Variants in CDKN2B-AS1 observed in about 807,000 individuals in gnomAD.
CDKN2B-AS1 encodes the protein CDKN2B and CDKN2A antisense cis and trans regulatory RNA 1.
At chr9:22,045,543 C>G (rs1389194210) in intron 1 of CDKN2B-AS1, among the ~76,000 whole-genome samples, 2 of 151,908 alleles carry the variant, frequency 1.3e-5, no homozygotes, top group Non-Finnish European at 2.9e-5. Flanking sequence ...CTAAACTAGT[C>G]AATTTTTTTT....
chr9:22,064,901 G>C (rs1418447864), intron 4 of CDKN2B-AS1, among the ~76,000 whole-genome samples: 3 of 152,218 alleles, frequency 2.0e-5, no homozygotes, highest in Non-Finnish European at 4.4e-5. Flanking sequence ...CCTTGGAGTT[G>C]TGAGGATTTA....
Position 22,006,152 on chromosome 9 carries a change from C to T in CDKN2B-AS1, n.29+10991C>T, listed in dbSNP as rs1422575612. ...GGAAGCCCTCCCGGGCAGCATCATG[C>T]ACCGGTCGGGTGAGAGTGGCAGGGT... On this transcript the variant is annotated intron_variant and non_coding_transcript_variant, in intron 1 of 4. Coordinates refer to ENST00000650946, the Ensembl canonical transcript of CDKN2B-AS1. The surrounding 1 kb of genome is among the most constrained non-coding windows in gnomAD (Gnocchi z 6.4). The T allele has an allele frequency of 7.4e-6, 12 of 1,611,758 alleles. No individual in the cohort carries two copies. Among genetic ancestry groups the T allele is most frequent in the South Asian group, 5.5e-5 (5 of 91,056 alleles).
chr9:21,995,961 C>G lies in CDKN2B-AS1; in HGVS notation n.29+800C>G, dbSNP rs577570868. 2 of 152,682 alleles carry G rather than the reference C, an allele frequency of 1.3e-5. No homozygotes were observed. Among genetic ancestry groups the G allele is most frequent in the Non-Finnish European group, 2.9e-5 (2 of 68,400 alleles). 9.5% of individuals were successfully genotyped at this position (152,682 alleles called of 1,614,324 possible). ...GAGGATTCGGGACTAGGCCCAGCTCCGGGAACCTGGAAATGTGGCCCGCTT... is the reference window on the plus strand; with the variant it reads ...GAGGATTCGGGACTAGGCCCAGCTCGGGGAACCTGGAAATGTGGCCCGCTT... On this transcript the variant is annotated intron_variant and non_coding_transcript_variant, in intron 1 of 4. Transcript: ENST00000650946. The surrounding 1 kb of genome is among the most constrained non-coding windows in gnomAD (Gnocchi z 5.7).
At chr9:22,061,249 TGGA>T (rs2131298682) in intron 4 of CDKN2B-AS1, among the ~76,000 whole-genome samples, 1 of 152,300 alleles carries the variant, frequency 6.6e-6, no homozygotes, top group South Asian at 2.1e-4. Context: ...CTCCCATTTC[TGGA>T]ACTCTGAGAA....
chr9:22,014,682 A>G (rs968166088), intron 1 of CDKN2B-AS1, among the ~76,000 whole-genome samples: 10 of 151,930 alleles, frequency 6.6e-5, no homozygotes, highest in Non-Finnish European at 1.5e-4. Context: ...ATAGGTATAC[A>G]TGTGCCATGC....
chr9:22,048,380 C>T (rs888010890), intron 2 of CDKN2B-AS1, among the ~76,000 whole-genome samples: 2 of 152,078 alleles, frequency 1.3e-5, no homozygotes, highest in African/African-American at 4.8e-5. Context: ...CATTTCTCAA[C>T]AAAACTTTTT....
At chr9:22,055,304 T>A (rs1051540685) in intron 3 of CDKN2B-AS1, among the ~76,000 whole-genome samples, 2 of 152,200 alleles carry the variant, frequency 1.3e-5, no homozygotes, top group African/African-American at 4.8e-5. Flanking sequence ...TCTTAGCAAT[T>A]TTTAATATTC....
chr9:22,078,774 ATCT>A (rs955748044), intron 4 of CDKN2B-AS1, among the ~76,000 whole-genome samples: 1 of 152,226 alleles, frequency 6.6e-6, no homozygotes, highest in Non-Finnish European at 1.5e-5. Context: ...TAAAATATAC[ATCT>A]TCTCACTCTG....
intron 4 of CDKN2B-AS1, chr9:22,113,531 C>T (rs1825858002): frequency 6.6e-6 from 1 of 152,216 alleles, no homozygotes; most frequent in South Asian, 2.1e-4. Context: ...TCTTCGGGGT[C>T]ATTCCTAGAA....
intron 4 of CDKN2B-AS1, among the ~76,000 whole-genome samples, chr9:22,107,358 A>C (rs1563985952): frequency 6.6e-6 from 1 of 152,164 alleles, no homozygotes; most frequent in Non-Finnish European, 1.5e-5. Flanking sequence ...GGAGAAAGAA[A>C]ACAACCCCAG....
intron 4 of CDKN2B-AS1, among the ~76,000 whole-genome samples, chr9:22,100,094 A>C (rs1287932903): frequency 6.6e-6 from 1 of 152,180 alleles, no homozygotes; most frequent in South Asian, 2.1e-4. Context: ...GATAAAGGCG[A>C]TAGTATTTTA....
chr9:22,125,346 T>A (rs1285016084), intron 4 of CDKN2B-AS1, among the ~76,000 whole-genome samples: 7 of 152,212 alleles, frequency 4.6e-5, no homozygotes, highest in African/African-American at 1.2e-4. Flanking sequence ...GAGGAGATGT[T>A]TAAATGTCGA....
intron 1 of CDKN2B-AS1, among the ~76,000 whole-genome samples, chr9:22,024,017 C>T (rs1822122456): frequency 6.6e-6 from 1 of 152,140 alleles, no homozygotes; most frequent in African/African-American, 2.4e-5. Flanking sequence ...AGAAGGTACT[C>T]TTGATTATTG....
intron 4 of CDKN2B-AS1, among the ~76,000 whole-genome samples, chr9:22,107,251 T>G (rs1825683905): frequency 1.3e-5 from 2 of 152,198 alleles, no homozygotes; most frequent in Admixed American, 6.5e-5. Context: ...CCTTCATTAC[T>G]GATTGGGCGT....
At chr9:22,065,720 C>T (rs1410362178) in intron 4 of CDKN2B-AS1, 2 of 152,194 alleles carry the variant, frequency 1.3e-5, no homozygotes, top group Non-Finnish European at 2.9e-5. Context: ...TAATGAGCTA[C>T]ACCTACCTCA....
intron 4 of CDKN2B-AS1, chr9:22,062,086 T>C (rs1205694532): frequency 6.6e-6 from 1 of 152,000 alleles, no homozygotes; most frequent in African/African-American, 2.4e-5. Context: ...ACGTTGTGAG[T>C]GAAATGGGTC....
intron 1 of CDKN2B-AS1, among the ~76,000 whole-genome samples, chr9:22,017,825 A>C (rs948930337): frequency 6.6e-6 from 1 of 152,218 alleles, no homozygotes; most frequent in African/African-American, 2.4e-5. Flanking sequence ...GAGGTGTTGC[A>C]TTAGTAACCA....
chr9:22,041,862 G>T (rs1239428167), intron 1 of CDKN2B-AS1, among the ~76,000 whole-genome samples: 3 of 151,982 alleles, frequency 2.0e-5, no homozygotes, highest in Non-Finnish European at 4.4e-5. Flanking sequence ...CTTGATTCCT[G>T]TTCTTGTATT....
chr9:22,040,727 T>C (rs1036522097), intron 1 of CDKN2B-AS1, among the ~76,000 whole-genome samples: 59 of 152,178 alleles, frequency 3.9e-4, no homozygotes, highest in African/African-American at 1.0e-3. Flanking sequence ...GCTGGATGTC[T>C]AACATCATGA....
Sources: gnomAD v4.1 joint callset for allele counts (sites outside exome capture counted in the v4.1 genomes callset) on GRCh38, gnomAD v4.1.1 for gene constraint, Gnocchi (gnomAD v3.1) non-coding constraint, MANE v1.5 for transcripts, NCBI Gene and HGNC (gene_info 2026-07-23, HGNC 2026-07-21) for gene names.